Variants in MARCO observed in about 807,000 individuals in gnomAD.
MARCO encodes the protein macrophage receptor with collagenous structure, also known as macrophage receptor MARCO.
Under a neutral mutation model 70.0 loss-of-function variants are expected in MARCO, and 72 were observed. The observed-to-expected ratio is 1.03, with a 90% CI of 0.85 to 1.25. The LOEUF (loss-of-function observed/expected upper bound fraction) is 1.25. Ranked by LOEUF, MARCO falls within the 50% of genes most tolerant of loss-of-function variation. The pLI is 0.00. For synonymous variants in MARCO, 273 were observed against 243.1 expected (o/e 1.12, Z -1.14); for missense variants, 696 against 659.3 (o/e 1.06, Z -0.61).
Position 118,948,155 on chromosome 2 carries a change from G to C in MARCO, c.97+5758G>C, listed in dbSNP as rs539853272. ...AAGAAAAGTTAGCACAGAGACAAAA[G>C]ATCTCTCAGCAAGGCCATCTTTACT... On this transcript the variant is annotated intron_variant, in intron 1 of 16. Coordinates refer to ENST00000327097, the MANE Select transcript of MARCO (RefSeq NM_006770.4). Among the ~76,000 whole-genome samples the C allele has an allele frequency of 1.6e-4, 24 of 152,304 alleles. No individual in the cohort carries two copies. In the East Asian group the frequency reaches 4.4e-3, roughly 28 times the overall value.
In MARCO at chr2:118,971,606, G is replaced by T. The variant is rs368713608; in HGVS notation, c.460+72G>T. ...TCCCCAAAAGGGCCCCTTGGCCTGT[G>T]CCATTCTGGGTCTGGACAGCTGACC... On this transcript the variant is annotated intron_variant, in intron 4 of 16. Transcript: ENST00000327097. The T allele has an allele frequency of 2.2e-5, 34 of 1,521,564 alleles. 1 individual carries two copies. In the Middle Eastern group the frequency reaches 5.1e-4, roughly 23 times the overall value. The allele number at this position is 1,521,564 out of a possible 1,614,324, so 94.3% of individuals were successfully genotyped here.
At chr2:118,975,372 G>A (rs1371562) in intron 6 of MARCO, among the ~76,000 whole-genome samples, 1 of 152,056 alleles carries the variant, frequency 6.6e-6, no homozygotes, top group East Asian at 1.9e-4. Context: ...CAAGGGAGTG[G>A]GGAGTAAACA....
At chr2:118,993,384 C>T in intron 16 of MARCO, 84 bp downstream of exon 16, 1 of 1,388,308 alleles carries the variant, frequency 7.2e-7, no homozygotes, top group Admixed American at 1.9e-5. Flanking sequence ...GCAAGTGACT[C>T]AGTGTGGTTT....
intron 12 of MARCO, among the ~76,000 whole-genome samples, chr2:118,986,849 A>G (rs1680528142): frequency 6.6e-6 from 1 of 152,172 alleles, no homozygotes; most frequent in South Asian, 2.1e-4. Flanking sequence ...TCTCCATTTC[A>G]CTCAGAATCA....
rs10211503 is a variant in MARCO, at chr2:118,981,606, T to C, written c.866-15T>C. On this transcript the variant is annotated splice_polypyrimidine_tract_variant and intron_variant, in intron 9 of 16. Coordinates refer to ENST00000327097, the MANE Select transcript of MARCO (RefSeq NM_006770.4). ...AAAGGAAAAAAAAATTCCTAAAAGTTCTTTTTCATCTTAGGTTTGGCTGGT... is the reference window on the plus strand; with the variant it reads ...AAAGGAAAAAAAAATTCCTAAAAGTCCTTTTTCATCTTAGGTTTGGCTGGT... 110,446 of 1,611,632 alleles carry C rather than the reference T, an allele frequency of 0.069. 6,872 individuals are homozygous for C. The highest frequency in any genetic ancestry group is 0.3 in the African/African-American group (22,545 of 74,518).
intron 1 of MARCO, among the ~76,000 whole-genome samples, chr2:118,944,584 C>T (rs762929014): frequency 6.6e-6 from 1 of 152,124 alleles, no homozygotes; most frequent in Admixed American, 6.5e-5. Context: ...TCATTTTCCT[C>T]ATTTATTTTT....
intron 1 of MARCO, among the ~76,000 whole-genome samples, chr2:118,943,227 C>T (rs1421534214): frequency 6.6e-6 from 1 of 152,178 alleles, no homozygotes; most frequent in Non-Finnish European, 1.5e-5. Context: ...AGGTCCCTGC[C>T]TGGAATTTTC....
chr2:118,965,310 C>T (rs1358458783), intron 1 of MARCO, among the ~76,000 whole-genome samples: 9 of 152,140 alleles, frequency 5.9e-5, no homozygotes, highest in Admixed American at 6.5e-5. Context: ...TTAACTGATT[C>T]TTTCCTCTGT....
At position 118,977,516 on chromosome 2, in the gene MARCO, G is replaced by A; in HGVS notation, c.658+1G>A. ...GCTCCAGGGAAGCAAGGAGCCACTG[G>A]TAACTTGTACTTGCTCTGCTAGGGA... is the stretch of plus-strand genomic sequence containing the variant. On this transcript the variant is annotated splice_donor_variant, in intron 7 of 16. Coordinates refer to ENST00000327097, the MANE Select transcript of MARCO (RefSeq NM_006770.4). LOFTEE classifies it high-confidence loss of function. 2 of 1,613,792 alleles carry A rather than the reference G, an allele frequency of 1.2e-6. No homozygotes were observed. Among genetic ancestry groups the A allele is most frequent in the Non-Finnish European group, 1.7e-6 (2 of 1,179,832 alleles).
At chr2:118,985,577 C>A (rs907282854) in intron 12 of MARCO, among the ~76,000 whole-genome samples, 1 of 152,184 alleles carries the variant, frequency 6.6e-6, no homozygotes, top group South Asian at 2.1e-4. Flanking sequence ...ACTTTTTTTA[C>A]CTACTAGAAA....
At chr2:118,944,419 A>G (rs1308990846) in intron 1 of MARCO, among the ~76,000 whole-genome samples, 2 of 151,674 alleles carry the variant, frequency 1.3e-5, no homozygotes, top group Non-Finnish European at 2.9e-5. Context: ...TAACACAGTG[A>G]CCCCTCAGGG....
intron 1 of MARCO, among the ~76,000 whole-genome samples, chr2:118,960,661 T>C (rs1679925981): frequency 6.6e-6 from 1 of 151,300 alleles, no homozygotes; most frequent in South Asian, 2.1e-4. Flanking sequence ...TCCCACTTTG[T>C]TGTGGCATAT....
At chr2:118,990,344 G>A (rs1480927670) in intron 12 of MARCO, among the ~76,000 whole-genome samples, 2 of 152,126 alleles carry the variant, frequency 1.3e-5, no homozygotes, top group African/African-American at 4.8e-5. Context: ...GGTGCATCTG[G>A]GGTCTGTCTA....
intron 12 of MARCO, among the ~76,000 whole-genome samples, chr2:118,986,696 A>AAGGAAGGAAG (rs1558671901): frequency 9.9e-6 from 1 of 101,052 alleles, no homozygotes; most frequent in African/African-American, 4.5e-5. Context: ...AAAGAAAGAA[A>AAGGAAGGAAG]GAAAGAAAGA....
chr2:118,973,787 G>T (rs572411857), intron 4 of MARCO, among the ~76,000 whole-genome samples: 2 of 152,318 alleles, frequency 1.3e-5, no homozygotes, highest in South Asian at 4.1e-4. Flanking sequence ...GAAGGGGATT[G>T]CGAAACCCAC....
intron 13 of MARCO, 112 bp from the exon 14 acceptor site, chr2:118,991,665 T>G: frequency 6.7e-6 from 4 of 600,462 alleles, no homozygotes; most frequent in East Asian, 3.1e-5. Flanking sequence ...AGCCCAGCCA[T>G]GGGGGAGGTC....
intron 6 of MARCO, 39 bp from the exon 7 acceptor site, chr2:118,977,431 TC>T: frequency 6.4e-7 from 1 of 1,564,296 alleles, no homozygotes; most frequent in Non-Finnish European, 8.8e-7. Context: ...TTAGACATTC[TC>T]AGGCCACAGC....
chr2:118,946,056 G>A (rs1216590124), intron 1 of MARCO, among the ~76,000 whole-genome samples: 1 of 152,048 alleles, frequency 6.6e-6, no homozygotes, highest in Non-Finnish European at 1.5e-5. Flanking sequence ...TAAACATCTG[G>A]CTTTATTGCA....
At chr2:118,977,666 A>T in intron 7 of MARCO, 151 bp downstream of exon 7, 1 of 833,768 alleles carries the variant, frequency 1.2e-6, no homozygotes. Flanking sequence ...GAGTCCTGTC[A>T]CATTTCTTCA....
Sources: gnomAD v4.1 joint callset for allele counts (sites outside exome capture counted in the v4.1 genomes callset) on GRCh38, gnomAD v4.1.1 for gene constraint, MANE v1.5 for transcripts, NCBI Gene and HGNC (gene_info 2026-07-23, HGNC 2026-07-21) for gene names.